Variants in DIP2C observed in about 807,000 individuals in gnomAD.
The protein encoded by DIP2C is DIP2 acetate--CoA ligase C (putative).
DIP2C carries 33 observed loss-of-function variants against 192.4 expected under a neutral mutation model. The observed-to-expected ratio is 0.17, with a 90% CI of 0.13 to 0.23. DIP2C has a LOEUF of 0.23. DIP2C is among the 10% of genes least tolerant of loss of function. The probability of loss-of-function intolerance (pLI) is 1.00; values close to 1 mark genes in which losing one functional copy is unlikely to be tolerated. For missense variants in DIP2C, 1,537 were observed against 2,110.1 expected, an observed-to-expected ratio of 0.73 and a Z score of 5.32; for synonymous variants, 979 against 864.1, an observed-to-expected ratio of 1.13 and a Z score of -2.33.
chr10:654,078 A>G (rs1856126823), intron 1 of DIP2C, among the ~76,000 whole-genome samples: 1 of 152,196 alleles, frequency 6.6e-6, no homozygotes, highest in South Asian at 2.1e-4. Context: ...AAATGACCCC[A>G]CAGCAGATGC....
intron 5 of DIP2C, among the ~76,000 whole-genome samples, chr10:422,369 G>A (rs1004389211): frequency 2.0e-5 from 3 of 152,140 alleles, no homozygotes; most frequent in Non-Finnish European, 4.4e-5. Context: ...CTCATACAGA[G>A]TATCTCCCTG....
intron 24 of DIP2C, 76 bp downstream of exon 24, chr10:356,347 AAAG>A: frequency 2.7e-6 from 4 of 1,493,452 alleles, no homozygotes; most frequent in Non-Finnish European, 3.7e-6. Context: ...GGATTCAAAG[AAAG>A]AAGCAGGAGC....
At chr10:619,224 G>A (rs1482239844) in intron 1 of DIP2C, among the ~76,000 whole-genome samples, 7 of 152,158 alleles carry the variant, frequency 4.6e-5, no homozygotes, top group Admixed American at 4.6e-4. Flanking sequence ...CACCTTCGTG[G>A]GCTAGTTTTA....
At chr10:335,055 A>T (rs1488150178) in intron 29 of DIP2C, among the ~76,000 whole-genome samples, 2 of 152,208 alleles carry the variant, frequency 1.3e-5, no homozygotes, top group Non-Finnish European at 2.9e-5. Flanking sequence ...ATAATATTGA[A>T]TCTTCCAATA....
chr10:401,405 G>C (rs1395658446), intron 9 of DIP2C, among the ~76,000 whole-genome samples: 1 of 151,522 alleles, frequency 6.6e-6, no homozygotes. Flanking sequence ...ATTTTCATCA[G>C]CACATGAATC....
At chr10:672,056 CACAG>C in intron 1 of DIP2C, among the ~76,000 whole-genome samples, 1 of 150,340 alleles carries the variant, frequency 6.7e-6, no homozygotes, top group Non-Finnish European at 1.5e-5. Flanking sequence ...GCCACAGACA[CACAG>C]ACGGAGGAAA....
At chr10:437,110 A>G (rs1446039466) in intron 4 of DIP2C, among the ~76,000 whole-genome samples, 1 of 120,268 alleles carries the variant, frequency 8.3e-6, no homozygotes. Flanking sequence ...TGGACATGGT[A>G]GGGTGATATG....
chr10:457,628 T>C lies in DIP2C; in HGVS notation c.268+14811A>G, dbSNP rs551259894. Among the ~76,000 whole-genome samples, 4 of 152,266 alleles carry C rather than the reference T, an allele frequency of 2.6e-5. No individual in the cohort carries two copies. The South Asian group carries it at 8.3e-4, about 32-fold the overall frequency. On this transcript the variant is annotated intron_variant, in intron 3 of 36. Coordinates refer to ENST00000280886, the MANE Select transcript of DIP2C (RefSeq NM_014974.3). ...TGGGGTGCAGTGATGTGACAACAGC[T>C]CACTGCAGCCTCCAGCTCCTAGGTT...
rs186441726 is a variant in DIP2C, at chr10:642,683, C to A, written c.85+46811G>T. ...CGCACACCCCCGTCCCAGGCCATCG[C>A]ACACGGGTGCCCTCACCGGCACCGG... On this transcript the variant is annotated intron_variant, in intron 1 of 36. Transcript: ENST00000280886. Among the ~76,000 whole-genome samples, 356 of 152,384 alleles carry A rather than the reference C, an allele frequency of 2.3e-3. 1 individual carries two copies. The highest frequency in any genetic ancestry group is 3.6e-3 in the Non-Finnish European group (248 of 68,042).
At chr10:587,291 C>G (rs923811048) in intron 1 of DIP2C, among the ~76,000 whole-genome samples, 2 of 152,218 alleles carry the variant, frequency 1.3e-5, no homozygotes, top group Non-Finnish European at 2.9e-5. Context: ...CCGCTGATAC[C>G]ATGACTTCAG....
intron 1 of DIP2C, among the ~76,000 whole-genome samples, chr10:620,993 G>C (rs902652774): frequency 6.6e-6 from 1 of 152,166 alleles, no homozygotes; most frequent in African/African-American, 2.4e-5. Context: ...GCATTTGAAC[G>C]TTCTTGTAGT....
At chr10:467,899 G>T (rs191310315) in intron 3 of DIP2C, among the ~76,000 whole-genome samples, 1 of 152,056 alleles carries the variant, frequency 6.6e-6, no homozygotes, top group Admixed American at 6.6e-5. Context: ...ACATGTATAC[G>T]TATGTAACAA....
At chr10:468,974 A>T (rs1190963403) in intron 3 of DIP2C, among the ~76,000 whole-genome samples, 1 of 152,172 alleles carries the variant, frequency 6.6e-6, no homozygotes, top group Non-Finnish European at 1.5e-5. Flanking sequence ...CCTAAAGAGA[A>T]GGAGCTGTGG....
At position 363,236 on chromosome 10, in the gene DIP2C, C is replaced by A. The variant is rs145004490; in HGVS notation, c.2553G>T (p.Thr851=). Residue 851 remains threonine, a synonymous_variant, in exon 21 of 37, where the codon ACG becomes ACT. Transcript: ENST00000280886. The surrounding 1 kb of genome is among the most constrained non-coding windows in gnomAD (Gnocchi z 5.4). ...VIVAEQRPDS[T]EEDSFQWMSR... ...TCATCCACTGGAAACTGTCCTCTTCCGTGGAGTCAGGCCTCTGCTCAGCCA... is the reference window on the plus strand; with the variant it reads ...TCATCCACTGGAAACTGTCCTCTTCAGTGGAGTCAGGCCTCTGCTCAGCCA... 6.2e-7 allele frequency: 1 copy of A among 1,613,660 alleles called. No individual in the cohort carries two copies. Among genetic ancestry groups the A allele is most frequent in the South Asian group, 1.1e-5 (1 of 91,050 alleles).
At chr10:606,777 CA>C (rs1314720105) in intron 1 of DIP2C, among the ~76,000 whole-genome samples, 17 of 152,318 alleles carry the variant, frequency 1.1e-4, no homozygotes, top group Admixed American at 7.2e-4. Context: ...AACCTCAAAA[CA>C]AGACCCAACC....
intron 35 of DIP2C, among the ~76,000 whole-genome samples, 189 bp from the exon 36 acceptor site, chr10:281,512 A>T (rs1299061541): frequency 3.9e-5 from 6 of 152,254 alleles, no homozygotes; most frequent in Non-Finnish European, 5.9e-5. Flanking sequence ...CTCGTGTGCC[A>T]GTACCCCACA....
intron 1 of DIP2C, among the ~76,000 whole-genome samples, chr10:534,449 C>CT (rs1036337968): frequency 6.6e-6 from 1 of 152,198 alleles, no homozygotes; most frequent in African/African-American, 2.4e-5. Context: ...AAATCCTTCT[C>CT]TTTTTGTCAG....
At chr10:287,340 G>A (rs1177916652) in intron 33 of DIP2C, among the ~76,000 whole-genome samples, 1 of 152,158 alleles carries the variant, frequency 6.6e-6, no homozygotes, top group East Asian at 1.9e-4. Flanking sequence ...TGGAAATCCT[G>A]AATATAGCCT....
chr10:391,353 GAGGA>G (rs1490212020), intron 10 of DIP2C, among the ~76,000 whole-genome samples: 1 of 152,364 alleles, frequency 6.6e-6, no homozygotes, highest in East Asian at 1.9e-4. Flanking sequence ...ACCTCGGCCA[GAGGA>G]AGGAAGACCT....
Sources: gnomAD v4.1 joint callset for allele counts (sites outside exome capture counted in the v4.1 genomes callset) on GRCh38, gnomAD v4.1.1 for gene constraint, Gnocchi (gnomAD v3.1) non-coding constraint, MANE v1.5 for transcripts, NCBI Gene and HGNC (gene_info 2026-07-23, HGNC 2026-07-21) for gene names.